Variants in PTPRD observed in about 807,000 individuals in gnomAD.
PTPRD encodes the protein protein tyrosine phosphatase receptor type D, also known as receptor-type tyrosine-protein phosphatase delta.
A neutral mutation model predicts 214.5 loss-of-function variants in PTPRD; 34 were observed. That is an observed-to-expected ratio of 0.16 (90% confidence interval 0.12 to 0.21). The LOEUF (loss-of-function observed/expected upper bound fraction) is 0.21, where lower values mean the gene tolerates loss of function less well. Ranked by LOEUF, PTPRD falls within the 10% of genes least tolerant of loss-of-function variation. The probability of loss-of-function intolerance (pLI) is 1.00; values close to 1 mark genes in which losing one functional copy is unlikely to be tolerated. For synonymous variants in PTPRD, 1,128 were observed against 845.7 expected (o/e 1.33, Z -5.79); for missense variants, 2,545 against 2,398.7 (o/e 1.06, Z -1.27).
At chr9:8,402,270 G>A (rs928201402) in intron 36 of PTPRD, among the ~76,000 whole-genome samples, 3 of 152,112 alleles carry the variant, frequency 2.0e-5, no homozygotes, top group Non-Finnish European at 4.4e-5. Flanking sequence ...ACAGGTTTTC[G>A]TGTGATTCAA....
At chr9:9,000,821 T>A (rs543692828) in intron 11 of PTPRD, among the ~76,000 whole-genome samples, 4 of 151,898 alleles carry the variant, frequency 2.6e-5, no homozygotes, top group Non-Finnish European at 5.9e-5. Context: ...AGACCCTCTA[T>A]AACAATAAAG....
intron 2 of PTPRD, among the ~76,000 whole-genome samples, chr9:10,506,025 T>C (rs2133481411): frequency 6.6e-6 from 1 of 152,214 alleles, no homozygotes; most frequent in Non-Finnish European, 1.5e-5. Context: ...ATGGTGAACA[T>C]AAATATCATT....
chr9:9,663,034 C>T (rs1287633630), intron 7 of PTPRD, among the ~76,000 whole-genome samples: 1 of 151,402 alleles, frequency 6.6e-6, no homozygotes, highest in Non-Finnish European at 1.5e-5. Flanking sequence ...ATTATGATTC[C>T]TATCTAATTT....
intron 5 of PTPRD, among the ~76,000 whole-genome samples, chr9:9,793,479 G>C (rs1261215401): frequency 2.0e-5 from 3 of 152,062 alleles, no homozygotes; most frequent in South Asian, 4.1e-4. Context: ...TAAGTAGATA[G>C]ACAAATGGAT....
intron 2 of PTPRD, among the ~76,000 whole-genome samples, chr9:10,498,990 C>G (rs1230010843): frequency 0.017 from 6 of 354 alleles, 3 homozygotes; most frequent in African/African-American, 0.017. Context: ...AGCCGAGATC[C>G]CGCCACTGCA....
At chr9:9,034,239 A>T (rs1472190062) in intron 10 of PTPRD, among the ~76,000 whole-genome samples, 1 of 152,028 alleles carries the variant, frequency 6.6e-6, no homozygotes, top group Non-Finnish European at 1.5e-5. Flanking sequence ...GAACCTCTAG[A>T]GCTCTGTTAG....
intron 11 of PTPRD, among the ~76,000 whole-genome samples, chr9:8,836,566 G>C (rs1042567668): frequency 8.5e-6 from 1 of 117,908 alleles, no homozygotes; most frequent in East Asian, 2.8e-4. Context: ...TAGGTCTTAA[G>C]TTCAGAGTAT....
At chr9:9,248,755 G>C (rs1478819640) in intron 9 of PTPRD, among the ~76,000 whole-genome samples, 2 of 152,058 alleles carry the variant, frequency 1.3e-5, no homozygotes, top group African/African-American at 2.4e-5. Flanking sequence ...AGGCAAGTAT[G>C]CATTTGGGTG....
At chr9:9,727,560 C>G (rs1049121989) in intron 7 of PTPRD, among the ~76,000 whole-genome samples, 1 of 152,194 alleles carries the variant, frequency 6.6e-6, no homozygotes, top group Non-Finnish European at 1.5e-5. Context: ...TAAGTGATCA[C>G]TCTTCCATGT....
chr9:10,049,284 T>A (rs1057253367), intron 3 of PTPRD, among the ~76,000 whole-genome samples: 2 of 152,064 alleles, frequency 1.3e-5, no homozygotes, highest in East Asian at 3.9e-4. Context: ...ATTATTTTCC[T>A]GCTTCTTGTG....
At chr9:8,850,892 A>T (rs1290483637) in intron 11 of PTPRD, among the ~76,000 whole-genome samples, 1 of 152,216 alleles carries the variant, frequency 6.6e-6, no homozygotes, top group Non-Finnish European at 1.5e-5. Context: ...GGCCAGGAGG[A>T]AGGAAGACGG....
chr9:8,457,216 G>A (rs2096241305), intron 33 of PTPRD, among the ~76,000 whole-genome samples: 1 of 152,114 alleles, frequency 6.6e-6, no homozygotes, highest in Non-Finnish European at 1.5e-5. Flanking sequence ...TCTACCCCAT[G>A]CAACCAGCTA....
At chr9:8,830,532 A>T (rs552832096) in intron 11 of PTPRD, among the ~76,000 whole-genome samples, 1 of 152,228 alleles carries the variant, frequency 6.6e-6, no homozygotes, top group East Asian at 1.9e-4. Flanking sequence ...TTTCAAGCAC[A>T]ATTAAGTGCT....
chr9:10,291,773 T>C (rs1208518693), intron 3 of PTPRD, among the ~76,000 whole-genome samples: 1 of 152,056 alleles, frequency 6.6e-6, no homozygotes, highest in Non-Finnish European at 1.5e-5. Context: ...TTTTGTGCTG[T>C]TTTAAGGTAT....
intron 5 of PTPRD, among the ~76,000 whole-genome samples, chr9:9,835,869 G>A (rs1033793214): frequency 2.6e-5 from 4 of 152,066 alleles, no homozygotes; most frequent in East Asian, 1.9e-4. Context: ...CTTATGGAGA[G>A]TAGTCAATCA....
At chr9:10,030,672 C>G (rs1207054857) in intron 4 of PTPRD, among the ~76,000 whole-genome samples, 1 of 152,164 alleles carries the variant, frequency 6.6e-6, no homozygotes, top group Non-Finnish European at 1.5e-5. Context: ...AGACTGGATT[C>G]CACGTGGAGA....
intron 9 of PTPRD, among the ~76,000 whole-genome samples, chr9:9,389,067 T>C (rs1467690594): frequency 6.6e-6 from 1 of 152,206 alleles, no homozygotes; most frequent in African/African-American, 2.4e-5. Context: ...TGCCTCATTT[T>C]TCTCATTTAT....
At chr9:8,334,452 C>T (rs1463253126) in intron 43 of PTPRD, among the ~76,000 whole-genome samples, 1 of 146,156 alleles carries the variant, frequency 6.8e-6, no homozygotes, top group African/African-American at 2.6e-5. Context: ...GGGTAAATAA[C>T]AGAATGAAGG....
At chr9:10,122,034 G>C (rs949205023) in intron 3 of PTPRD, among the ~76,000 whole-genome samples, 1 of 152,146 alleles carries the variant, frequency 6.6e-6, no homozygotes, top group Non-Finnish European at 1.5e-5. Flanking sequence ...TTGGCCTGGT[G>C]CGGTGGCTCA....
Sources: gnomAD v4.1 joint callset for allele counts (sites outside exome capture counted in the v4.1 genomes callset) on GRCh38, gnomAD v4.1.1 for gene constraint, MANE v1.5 for transcripts, NCBI Gene and HGNC (gene_info 2026-07-23, HGNC 2026-07-21) for gene names.